The following ETV5 variants were observed in gnomAD, a reference collection of about 807,000 sequenced individuals.
ETV5 encodes the protein ETS translocation variant 5.
Under a neutral mutation model 70.0 loss-of-function variants are expected in ETV5, and 10 were observed. The observed-to-expected ratio is 0.14, with a 90% CI of 0.09 to 0.24. The LOEUF (loss-of-function observed/expected upper bound fraction) is 0.24. Among genes scored for constraint, ETV5 ranks in the 10% least tolerant of loss-of-function variants. The pLI is 1.00. For synonymous variants in ETV5, 216 were observed against 242.2 expected, an observed-to-expected ratio of 0.89 and a Z score of 1.01; for missense variants, 453 against 651.2, an observed-to-expected ratio of 0.70 and a Z score of 3.31.
At chr3:186,096,013 A>T (rs1714295173) in intron 5 of ETV5, among the ~76,000 whole-genome samples, 1 of 152,202 alleles carries the variant, frequency 6.6e-6, no homozygotes. Context: ...GGAGCCTAAG[A>T]AATGTGATTT....
At chr3:186,086,427 A>C (rs1173257594) in intron 5 of ETV5, among the ~76,000 whole-genome samples, 1 of 152,230 alleles carries the variant, frequency 6.6e-6, no homozygotes, top group African/African-American at 2.4e-5. Flanking sequence ...ACATAAGGCA[A>C]ATTAGAAAGA....
chr3:186,094,802 G>A (rs1016742713), intron 5 of ETV5, among the ~76,000 whole-genome samples: 1 of 152,128 alleles, frequency 6.6e-6, no homozygotes, highest in Non-Finnish European at 1.5e-5. Context: ...GGGATGTGGA[G>A]AAACCAAAGC....
At chr3:186,062,244 T>C (rs1578540954) in intron 9 of ETV5, among the ~76,000 whole-genome samples, 1 of 152,052 alleles carries the variant, frequency 6.6e-6, no homozygotes, top group South Asian at 2.1e-4. Context: ...AGATGAAGAG[T>C]ATGGGCTCTG....
chr3:186,062,495 G>A (rs552003967), intron 9 of ETV5, among the ~76,000 whole-genome samples: 6 of 152,122 alleles, frequency 3.9e-5, no homozygotes, highest in Non-Finnish European at 5.9e-5. Context: ...GGTGGCGCGC[G>A]CCTGTAATTC....
At chr3:186,062,588 T>G (rs192867291) in intron 9 of ETV5, among the ~76,000 whole-genome samples, 20 of 152,178 alleles carry the variant, frequency 1.3e-4, no homozygotes, top group African/African-American at 4.1e-4. Flanking sequence ...GCCACTGCAC[T>G]CCAGCCTGGC....
At chr3:186,080,164 C>T in intron 6 of ETV5, 60 bp from the exon 7 acceptor site, 1 of 1,368,914 alleles carries the variant, frequency 7.3e-7, no homozygotes, top group Non-Finnish European at 9.6e-7. Flanking sequence ...GCATGGTTAC[C>T]AGGTCCAGCA....
At position 186,047,563 on chromosome 3, in the gene ETV5, A is replaced by G. The variant is rs1204318905; in HGVS notation, c.*1076T>C. 1 of 231,944 alleles carries G rather than the reference A, an allele frequency of 4.3e-6. No individual in the cohort carries two copies. Among genetic ancestry groups the G allele is most frequent in the African/African-American group, 2.2e-5 (1 of 45,262 alleles). The allele number at this position is 231,944 out of a possible 1,614,324, so 14.4% of individuals were successfully genotyped here. A position where few individuals can be genotyped will look rare whatever the true frequency, so the allele number is the denominator to read the frequency against. On this transcript the variant is annotated 3_prime_UTR_variant, in exon 13 of 13. Coordinates refer to ENST00000306376, the MANE Select transcript of ETV5 (RefSeq NM_004454.3). The stretch of plus-strand genomic sequence containing the variant: ...GAACACGGGGAACTATACATAGAGA[A>G]TCTAAGCTTGTGTCCAGGCTGCCCT...
At chr3:186,074,107 C>G (rs1713712175) in intron 7 of ETV5, among the ~76,000 whole-genome samples, 2 of 149,080 alleles carry the variant, frequency 1.3e-5, no homozygotes, top group Admixed American at 1.3e-4. Flanking sequence ...TCTGCCAAGA[C>G]TAAGGAAAAA....
At chr3:186,103,924 G>A (rs1714525961) in intron 5 of ETV5, among the ~76,000 whole-genome samples, 1 of 152,068 alleles carries the variant, frequency 6.6e-6, no homozygotes, top group South Asian at 2.1e-4. Flanking sequence ...TAAAAGATTT[G>A]GAATACCCAA....
At chr3:186,079,674 A>C (rs1713883125) in intron 7 of ETV5, 143 bp downstream of exon 7, 1 of 785,606 alleles carries the variant, frequency 1.3e-6, no homozygotes, top group African/African-American at 1.8e-5. Context: ...TCGTATTATC[A>C]TTAGTCTTGC....
chr3:186,079,352 A>T (rs184653688), intron 7 of ETV5: 1 of 230,468 alleles, frequency 4.3e-6, no homozygotes, highest in African/African-American at 2.2e-5. Flanking sequence ...GTCCTTAGCT[A>T]ATCTCCTACT....
intron 7 of ETV5, among the ~76,000 whole-genome samples, chr3:186,076,846 T>C (rs377725281): frequency 3.9e-5 from 6 of 152,336 alleles, no homozygotes; most frequent in African/African-American, 1.4e-4. Context: ...TGTAGGAATT[T>C]ATTAAGATTT....
chr3:186,081,031 C>G lies in ETV5; in HGVS notation c.362+15G>C, dbSNP rs774718093. 1 of 1,601,978 alleles carries G rather than the reference C, an allele frequency of 6.2e-7. No individual in the cohort carries two copies. Among genetic ancestry groups the G allele is most frequent in the Non-Finnish European group, 8.5e-7 (1 of 1,173,122 alleles). On this transcript the variant is annotated intron_variant, in intron 6 of 12. Transcript: ENST00000306376. ...TTTCTGGGCAGCCTTTCTTCGACTC[C>G]TCTTGCCCACTCACCAATAGTTGTA...
At chr3:186,107,241 C>T (rs953057113) in intron 1 of ETV5, among the ~76,000 whole-genome samples, 1 of 152,216 alleles carries the variant, frequency 6.6e-6, no homozygotes, top group East Asian at 1.9e-4. Context: ...GCCAGCCTGC[C>T]TGCGTGCCCC....
rs1397006017 is a variant in ETV5, at chr3:186,047,730, C to G, written c.*909G>C. ...AGCCCCTCTCAAGCTGCAGTGTCTT[C>G]ATAAGTTGGCACGGCCCTGGCTAAA... On this transcript the variant is annotated 3_prime_UTR_variant, in exon 13 of 13. Transcript: ENST00000306376. 4.3e-6 allele frequency: 1 copy of G among 233,424 alleles called. No homozygotes were observed. Among genetic ancestry groups the G allele is most frequent in the African/African-American group, 2.2e-5 (1 of 45,314 alleles). The allele number at this position is 233,424 out of a possible 1,614,324, so 14.5% of individuals were successfully genotyped here. A position where few individuals can be genotyped will look rare whatever the true frequency, so the allele number is the denominator to read the frequency against.
rs1482916976 is a variant in ETV5, at chr3:186,047,141, G to A, written c.*1498C>T. ...TGTACTAAGTGTCACGGGGAGCACA[G>A]AATTCTACCAGCAGAGCAGGCAGCA... On this transcript the variant is annotated 3_prime_UTR_variant, in exon 13 of 13. Coordinates refer to ENST00000306376, the MANE Select transcript of ETV5 (RefSeq NM_004454.3). 1 of 229,350 alleles carries A rather than the reference G, an allele frequency of 4.4e-6. No individual in the cohort carries two copies. Among genetic ancestry groups the A allele is most frequent in the East Asian group, 6.3e-5 (1 of 15,972 alleles). 14.2% of individuals were successfully genotyped at this position (229,350 alleles called of 1,614,324 possible). A position where few individuals can be genotyped will look rare whatever the true frequency, so the allele number is the denominator to read the frequency against.
Position 186,074,859 on chromosome 3 carries a change from CAA to C in ETV5, c.650+4956_650+4957del, listed in dbSNP as rs747453303. Among the ~76,000 whole-genome samples, 264 of 76,470 alleles carry C rather than the reference CAA, an allele frequency of 3.5e-3. 1 individual carries two copies. Among genetic ancestry groups the C allele is most frequent in the Admixed American group, 0.015 (99 of 6,800 alleles). The allele number at this position is 76,470 out of a possible 152,430, so 50.2% of individuals were successfully genotyped here. A position where few individuals can be genotyped will look rare whatever the true frequency, so the allele number is the denominator to read the frequency against. On this transcript the variant is annotated intron_variant, in intron 7 of 12. Transcript: ENST00000306376. ...CTGGGCGACAGTTAGACTCTGTCTCCAAAAAAAAAAAAAAAAAAAAAAAGAAT... is the reference window on the plus strand; with the variant it reads ...CTGGGCGACAGTTAGACTCTGTCTCCAAAAAAAAAAAAAAAAAAAAAGAAT...
chr3:186,062,702 A>G (rs985635350), intron 9 of ETV5, among the ~76,000 whole-genome samples: 4 of 152,212 alleles, frequency 2.6e-5, no homozygotes, highest in Non-Finnish European at 1.5e-5. Flanking sequence ...TTATGCATCT[A>G]AAGAACACAT....
At position 186,105,708 on chromosome 3, in the gene ETV5, G is replaced by A. The variant is rs990808893; in HGVS notation, c.50C>T (p.Ser17Phe). The change falls in exon 3 of 13, where the codon TCT (serine) becomes TTT (phenylalanine). Residue 17 changes from serine (S) to phenylalanine (F), a missense_variant. By Grantham distance (155) the Ser-to-Phe change is radical. Transcript: ENST00000306376. The surrounding 1 kb of genome is among the most constrained non-coding windows in gnomAD (Gnocchi z 4.5). ...QQVPFMVPGK[S>F]RSEECRGRPV... ...CCGCCCTCTGCATTCCTCAGATCGA[G>A]ATTTCTGAAAGAGGCCAACAGAAAG... The A allele has an allele frequency of 1.2e-6, 2 of 1,614,168 alleles. No homozygotes were observed. Among genetic ancestry groups the A allele is most frequent in the Non-Finnish European group, 1.7e-6 (2 of 1,180,038 alleles).
Sources: allele counts gnomAD v4.1 joint callset (sites outside exome capture counted in the v4.1 genomes callset), GRCh38; gene constraint gnomAD v4.1.1; non-coding constraint Gnocchi (gnomAD v3.1); transcripts MANE v1.5; gene names NCBI Gene and HGNC (gene_info 2026-07-23, HGNC 2026-07-21).